The following NRG3 variants were observed in gnomAD, a reference collection of about 807,000 sequenced individuals.
NRG3 encodes neuregulin 3.
A neutral mutation model predicts 66.9 loss-of-function variants in NRG3; 31 were observed. The observed-to-expected ratio is 0.46, with a 90% CI of 0.35 to 0.63. The LOEUF is 0.63. Among genes scored for constraint, NRG3 ranks in the 20% least tolerant of loss-of-function variants. NRG3 has a pLI of 0.00. For synonymous variants in NRG3, 393 were observed against 359.4 expected (o/e 1.09, Z -1.06); for missense variants, 910 against 878.9 (o/e 1.04, Z -0.45).
intron 1 of NRG3, among the ~76,000 whole-genome samples, chr10:82,273,691 A>C (rs1315118782): frequency 6.6e-6 from 1 of 152,044 alleles, no homozygotes; most frequent in Non-Finnish European, 1.5e-5. Flanking sequence ...TTTTCATATA[A>C]ATTCCTAGGG....
At chr10:82,398,567 G>A (rs992869730) in intron 2 of NRG3, among the ~76,000 whole-genome samples, 10 of 150,444 alleles carry the variant, frequency 6.6e-5, no homozygotes, top group African/African-American at 1.9e-4. Flanking sequence ...GCCTGGCAAC[G>A]GTGAAATCAG....
At chr10:82,445,927 C>T (rs748308555) in intron 2 of NRG3, among the ~76,000 whole-genome samples, 1 of 152,180 alleles carries the variant, frequency 6.6e-6, no homozygotes, top group Non-Finnish European at 1.5e-5. Flanking sequence ...CCTCAACATA[C>T]CTAACTCTAA....
intron 1 of NRG3, among the ~76,000 whole-genome samples, chr10:82,318,169 G>C (rs1482973658): frequency 3.9e-5 from 6 of 152,084 alleles, no homozygotes; most frequent in Non-Finnish European, 5.9e-5. Context: ...CAGCTCACTA[G>C]GAATTTCCTC....
chr10:82,376,976 A>G (rs2085282904), intron 2 of NRG3, among the ~76,000 whole-genome samples: 1 of 152,194 alleles, frequency 6.6e-6, no homozygotes, highest in Non-Finnish European at 1.5e-5. Flanking sequence ...GAACATGAAT[A>G]TGTTCATGAC....
chr10:81,909,804 A>C (rs1844948233), intron 1 of NRG3, among the ~76,000 whole-genome samples: 1 of 152,192 alleles, frequency 6.6e-6, no homozygotes. Flanking sequence ...AAGACATTCA[A>C]CTTGTAATCA....
intron 1 of NRG3, among the ~76,000 whole-genome samples, chr10:82,154,689 C>G (rs1055931232): frequency 6.6e-6 from 1 of 151,756 alleles, no homozygotes; most frequent in Non-Finnish European, 1.5e-5. Context: ...ATTAATTCTT[C>G]TAATCCATAA....
intron 1 of NRG3, among the ~76,000 whole-genome samples, chr10:82,044,981 G>A (rs1447725067): frequency 6.6e-6 from 1 of 151,624 alleles, no homozygotes; most frequent in Non-Finnish European, 1.5e-5. Flanking sequence ...GGACATTTGG[G>A]TTGGTTCCAA....
chr10:82,462,115 G>C (rs1474626522), intron 2 of NRG3, among the ~76,000 whole-genome samples: 1 of 152,056 alleles, frequency 6.6e-6, no homozygotes, highest in Non-Finnish European at 1.5e-5. Context: ...TGGACAACAA[G>C]AGTGAAACTC....
chr10:82,502,343 A>G (rs966252862), intron 2 of NRG3, among the ~76,000 whole-genome samples: 1 of 152,236 alleles, frequency 6.6e-6, no homozygotes, highest in Non-Finnish European at 1.5e-5. Flanking sequence ...TTTAGACTCA[A>G]TAAAAAAATC....
At chr10:82,545,687 A>AACACT (rs2043852704) in intron 2 of NRG3, among the ~76,000 whole-genome samples, 1 of 147,800 alleles carries the variant, frequency 6.8e-6, no homozygotes, top group Non-Finnish European at 1.5e-5. Context: ...AGCCGCCAAT[A>AACACT]ACACTTTTTA....
At chr10:82,416,459 A>G (rs1375364432) in intron 2 of NRG3, among the ~76,000 whole-genome samples, 2 of 152,214 alleles carry the variant, frequency 1.3e-5, no homozygotes, top group African/African-American at 4.8e-5. Context: ...ATGTATAAGC[A>G]TAAGAAGGTT....
intron 2 of NRG3, among the ~76,000 whole-genome samples, chr10:82,616,414 A>G (rs903602713): frequency 1.3e-5 from 2 of 152,196 alleles, no homozygotes. Flanking sequence ...TACTCATAAC[A>G]TATCCAAGCT....
intron 4 of NRG3, among the ~76,000 whole-genome samples, chr10:82,903,842 T>C (rs1308581318): frequency 1.3e-5 from 2 of 152,054 alleles, no homozygotes; most frequent in Non-Finnish European, 2.9e-5. Context: ...AGGGGTCAGA[T>C]TCCCTATAAC....
rs570931455 is a variant in NRG3, at chr10:82,434,082, G to A, written c.953+75214G>A. Among the ~76,000 whole-genome samples the A allele has an allele frequency of 5.3e-5, 8 of 152,140 alleles. No individual in the cohort carries two copies. In the East Asian group the frequency reaches 1.5e-3, roughly 29 times the overall value. On this transcript the variant is annotated intron_variant, in intron 2 of 8. Transcript: ENST00000372141. ...GGTATTGATTCTTCCTATCCATGAG[G>A]ATGGAATGTTTTTTCCATTTGTTTG...
intron 2 of NRG3, among the ~76,000 whole-genome samples, chr10:82,705,880 C>T (rs545118332): frequency 6.6e-6 from 1 of 152,152 alleles, no homozygotes; most frequent in Non-Finnish European, 1.5e-5. Flanking sequence ...CCTATGTCTA[C>T]TTTCATACAA....
intron 1 of NRG3, among the ~76,000 whole-genome samples, chr10:82,038,880 TC>T (rs1200381357): frequency 6.6e-6 from 1 of 152,010 alleles, no homozygotes; most frequent in African/African-American, 2.4e-5. Context: ...CCACTTGTCC[TC>T]CCTGATCAAC....
At chr10:82,074,873 C>G (rs1295051182) in intron 1 of NRG3, among the ~76,000 whole-genome samples, 1 of 152,112 alleles carries the variant, frequency 6.6e-6, no homozygotes, top group Non-Finnish European at 1.5e-5. Flanking sequence ...TTAAAATGTT[C>G]ATAAATTCAG....
At chr10:82,019,807 G>A (rs1417609770) in intron 1 of NRG3, among the ~76,000 whole-genome samples, 2 of 152,046 alleles carry the variant, frequency 1.3e-5, no homozygotes, top group South Asian at 2.1e-4. Flanking sequence ...TTTTTATTGT[G>A]TCTATTTGAT....
intron 1 of NRG3, among the ~76,000 whole-genome samples, chr10:81,876,547 C>T (rs554501678): frequency 1.4e-4 from 21 of 152,076 alleles, no homozygotes; most frequent in Non-Finnish European, 2.6e-4. Context: ...AGGGCCTTCC[C>T]GAAGGCACTG....
Sources: gnomAD v4.1 joint callset for allele counts (sites outside exome capture counted in the v4.1 genomes callset) on GRCh38, gnomAD v4.1.1 for gene constraint, MANE v1.5 for transcripts, NCBI Gene and HGNC (gene_info 2026-07-23, HGNC 2026-07-21) for gene names.